The following ALKBH3 variants were observed in gnomAD, a reference collection of about 807,000 sequenced individuals.
ALKBH3 encodes alkB homolog 3, alpha-ketoglutarate dependent dioxygenase.
ALKBH3 carries 51 observed loss-of-function variants against 43.9 expected under a neutral mutation model. The observed-to-expected ratio is 1.16, with a 90% CI of 0.93 to 1.47. The LOEUF (loss-of-function observed/expected upper bound fraction) is 1.47. Ranked by LOEUF, ALKBH3 falls within the 40% of genes most tolerant of loss-of-function variation. The probability of loss-of-function intolerance (pLI) is 0.00; values close to 1 mark genes in which losing one functional copy is unlikely to be tolerated. For missense variants in ALKBH3, 361 were observed against 351.9 expected (o/e 1.03, Z -0.21); for synonymous variants, 102 against 115.2 (o/e 0.89, Z 0.73).
chr11:43,897,460 T>G (rs556031421), intron 7 of ALKBH3: 12 of 738,804 alleles, frequency 1.6e-5, no homozygotes, highest in South Asian at 1.4e-4. Flanking sequence ...ACAATCATGG[T>G]GCAAAAATAC....
intron 7 of ALKBH3, chr11:43,899,053 T>C (rs1951841181): frequency 1.3e-6 from 1 of 748,994 alleles, no homozygotes; most frequent in Non-Finnish European, 2.5e-6. Flanking sequence ...ATTCAGATTG[T>C]GGATGCCTCT....
At chr11:43,904,242 A>G (rs1032319422) in intron 8 of ALKBH3, among the ~76,000 whole-genome samples, 1 of 152,258 alleles carries the variant, frequency 6.6e-6, no homozygotes, top group African/African-American at 2.4e-5. Context: ...TGATTAAAAT[A>G]CTGATCCAAT....
chr11:43,907,405 A>G (rs1951903459), intron 8 of ALKBH3, among the ~76,000 whole-genome samples: 1 of 152,280 alleles, frequency 6.6e-6, no homozygotes, highest in Middle Eastern at 3.4e-3. Flanking sequence ...CAAGCCTCCC[A>G]GTTTTCTATT....
Position 43,915,764 on chromosome 11 carries a change from C to T in ALKBH3, c.670-3274C>T, listed in dbSNP as rs1040307538. On this transcript the variant is annotated intron_variant, in intron 8 of 9. Coordinates refer to ENST00000302708, the MANE Select transcript of ALKBH3 (RefSeq NM_139178.4). ...TAAAATATTAAAAATGGAGTACACA[C>T]GATTGTATATCTGGAAGACTCTGTG... 2.0e-5 allele frequency among the ~76,000 whole-genome samples: 3 copies of T among 152,100 alleles called. 1 individual carries two copies. The highest frequency in any genetic ancestry group is 1.3e-4 in the Admixed American group (2 of 15,278).
rs199576340 is a variant in ALKBH3, at chr11:43,882,672, G to A, written c.20G>A (p.Arg7Gln). Residue 7 changes from arginine (R) to glutamine (Q), a missense_variant, in exon 2 of 10, where the codon CGA becomes CAA. Transcript: ENST00000302708. ...GTCAACATGGAGGAAAAAAGACGGC[G>A]AGCCCGAGTTCAGGGAGCCTGGGCT... MEEKRRRARVQGAWAAP... is the reference protein window; with the variant it reads MEEKRRQARVQGAWAAP... 6.2e-7 allele frequency: 1 copy of A among 1,613,288 alleles called. No homozygotes were observed. The highest frequency in any genetic ancestry group is 8.5e-7 in the Non-Finnish European group (1 of 1,179,772).
chr11:43,889,461 G>T (rs1951768472), intron 5 of ALKBH3, among the ~76,000 whole-genome samples: 1 of 152,182 alleles, frequency 6.6e-6, no homozygotes, highest in Non-Finnish European at 1.5e-5. Flanking sequence ...AATACTGTTT[G>T]AATTATGATC....
At chr11:43,891,723 G>A (rs760149331) in intron 6 of ALKBH3, among the ~76,000 whole-genome samples, 4 of 152,168 alleles carry the variant, frequency 2.6e-5, no homozygotes, top group Admixed American at 6.5e-5. Flanking sequence ...TTTTGAGACC[G>A]TCCCTAGTCT....
intron 7 of ALKBH3, among the ~76,000 whole-genome samples, chr11:43,896,368 T>G (rs1403172502): frequency 6.6e-6 from 1 of 152,048 alleles, no homozygotes; most frequent in Non-Finnish European, 1.5e-5. Flanking sequence ...ATAGGCTGTC[T>G]GCAAGCCGAG....
intron 9 of ALKBH3, 79 bp downstream of exon 9, chr11:43,919,215 A>T (rs376049188): frequency 2.4e-6 from 3 of 1,271,886 alleles, no homozygotes; most frequent in Non-Finnish European, 3.4e-6. Context: ...CTAAGTAGAC[A>T]TGGTGAAAAG....
At chr11:43,914,435 G>A (rs1951966307) in intron 8 of ALKBH3, among the ~76,000 whole-genome samples, 1 of 152,146 alleles carries the variant, frequency 6.6e-6, no homozygotes, top group African/African-American at 2.4e-5. Context: ...AAGAAGTCTG[G>A]CAGGATGCTT....
chr11:43,913,244 A>T (rs12788721), intron 8 of ALKBH3, among the ~76,000 whole-genome samples: 2,196 of 151,936 alleles, frequency 0.014, 18 homozygotes, highest in Non-Finnish European at 0.022. Flanking sequence ...CAGGTTTGTT[A>T]TATAGGTAAC....
intron 8 of ALKBH3, among the ~76,000 whole-genome samples, chr11:43,906,441 C>T (rs61884010): frequency 6.6e-6 from 1 of 152,220 alleles, no homozygotes; most frequent in Non-Finnish European, 1.5e-5. Context: ...TGCAGGATTT[C>T]ATAGAGTGGA....
intron 5 of ALKBH3, among the ~76,000 whole-genome samples, chr11:43,887,063 G>T (rs970982731): frequency 1.3e-5 from 2 of 152,024 alleles, no homozygotes; most frequent in African/African-American, 4.8e-5. Flanking sequence ...TGACAAAAGC[G>T]TACCTATATA....
intron 8 of ALKBH3, among the ~76,000 whole-genome samples, chr11:43,904,130 C>T (rs1237603190): frequency 5.3e-5 from 8 of 152,172 alleles, no homozygotes; most frequent in Non-Finnish European, 1.2e-4. Context: ...TTTTGATGAA[C>T]ATGAATGATA....
chr11:43,919,400 T>A (rs1444484374), intron 9 of ALKBH3, among the ~76,000 whole-genome samples: 2 of 152,260 alleles, frequency 1.3e-5, no homozygotes, highest in African/African-American at 4.8e-5. Flanking sequence ...TATGACTGAC[T>A]TCTTAAAATG....
At chr11:43,898,235 C>T (rs914523418) in intron 7 of ALKBH3, 32 of 927,182 alleles carry the variant, frequency 3.5e-5, no homozygotes, top group South Asian at 1.8e-4. Context: ...CTCCAGGAGA[C>T]CCACAAGGGT....
rs186302619 is a variant in ALKBH3, at chr11:43,887,914, G to T, written c.266+1261G>T. 1.1e-3 allele frequency among the ~76,000 whole-genome samples: 172 copies of T among 151,050 alleles called. 7 individuals carry two copies. In the East Asian group the frequency reaches 0.021, roughly 18 times the overall value. ...CGCCATTCTTCTGCCTCAGCCTCCC[G>T]AGTAGCTGGGACTACAGGCACGTGC... On this transcript the variant is annotated intron_variant, in intron 5 of 9. Transcript: ENST00000302708.
At chr11:43,885,589 T>C in intron 4 of ALKBH3, among the ~76,000 whole-genome samples, 1 of 152,222 alleles carries the variant, frequency 6.6e-6, no homozygotes. Flanking sequence ...GATATACCTA[T>C]CCAGTCTGTG....
intron 7 of ALKBH3, among the ~76,000 whole-genome samples, chr11:43,893,562 C>A (rs899378563): frequency 6.6e-6 from 1 of 152,012 alleles, no homozygotes; most frequent in African/African-American, 2.4e-5. Context: ...TATTAAAATT[C>A]TTGATAATTC....
Sources: allele counts gnomAD v4.1 joint callset (sites outside exome capture counted in the v4.1 genomes callset), GRCh38; gene constraint gnomAD v4.1.1; transcripts MANE v1.5; gene names NCBI Gene and HGNC (gene_info 2026-07-23, HGNC 2026-07-21).